Variants in RAPGEF1 observed in about 807,000 individuals in gnomAD.
The protein encoded by RAPGEF1 is Rap guanine nucleotide exchange factor 1.
RAPGEF1 carries 33 observed loss-of-function variants against 143.3 expected under a neutral mutation model. The observed-to-expected ratio is 0.23, with a 90% confidence interval of 0.17 to 0.31. The LOEUF is 0.31. RAPGEF1 is among the 10% of genes least tolerant of loss of function. The pLI, the probability that RAPGEF1 is intolerant of heterozygous loss-of-function variation, is 1.00. For synonymous variants in RAPGEF1, 629 were observed against 676.5 expected (o/e 0.93, Z 1.09); for missense variants, 1,199 against 1,645.4 (o/e 0.73, Z 4.69).
At chr9:131,734,873 C>A (rs1416666131) in intron 1 of RAPGEF1, among the ~76,000 whole-genome samples, 2 of 152,222 alleles carry the variant, frequency 1.3e-5, no homozygotes, top group Non-Finnish European at 2.9e-5. Context: ...GAGCGTGAGA[C>A]ACCTATTTAT....
intron 1 of RAPGEF1, among the ~76,000 whole-genome samples, chr9:131,696,576 A>G (rs1834197570): frequency 6.6e-6 from 1 of 152,226 alleles, no homozygotes; most frequent in Non-Finnish European, 1.5e-5. Flanking sequence ...TTTAGAATCT[A>G]TCTCCCAAGT....
In RAPGEF1 at chr9:131,655,415, T is replaced by C. The variant is rs1199399971; in HGVS notation, c.62-4466A>G. Among the ~76,000 whole-genome samples, 2 of 152,246 alleles carry C rather than the reference T, an allele frequency of 1.3e-5. No individual in the cohort carries two copies. Among genetic ancestry groups the C allele is most frequent in the African/African-American group, 4.8e-5 (2 of 41,470 alleles). On this transcript the variant is annotated intron_variant, in intron 1 of 26. Transcript: ENST00000683357. This position sits in a 1 kb window ranked among gnomAD's most constrained non-coding sequence, Gnocchi z 4.1. ...GAGGCTCTCAACACCAGCCCTCATA[T>C]GTCAGCAGTCATCCCTCGCATTCAA...
intron 1 of RAPGEF1, among the ~76,000 whole-genome samples, chr9:131,734,575 T>C (rs1290737990): frequency 1.3e-5 from 2 of 152,138 alleles, no homozygotes; most frequent in Non-Finnish European, 2.9e-5. Flanking sequence ...AAATGTCTCA[T>C]TGCTTGACTG....
chr9:131,670,695 CAA>C (rs1286431583), intron 1 of RAPGEF1, among the ~76,000 whole-genome samples: 1 of 152,188 alleles, frequency 6.6e-6, no homozygotes, highest in Non-Finnish European at 1.5e-5. Context: ...AGGAAGAGGC[CAA>C]AGTTATACAC....
intron 1 of RAPGEF1, among the ~76,000 whole-genome samples, chr9:131,704,274 T>A (rs1448156959): frequency 6.7e-6 from 1 of 150,140 alleles, no homozygotes; most frequent in East Asian, 1.9e-4. Context: ...GCTACTTTGC[T>A]ATCTAGTGTG....
intron 1 of RAPGEF1, among the ~76,000 whole-genome samples, chr9:131,728,307 A>C (rs950785775): frequency 1.3e-5 from 2 of 152,150 alleles, no homozygotes; most frequent in Non-Finnish European, 2.9e-5. Flanking sequence ...CAAATGCAAC[A>C]CTCTGTGATC....
At chr9:131,590,853 G>A (rs569490568) in intron 18 of RAPGEF1, among the ~76,000 whole-genome samples, 40 of 152,362 alleles carry the variant, frequency 2.6e-4, no homozygotes, top group Middle Eastern at 6.8e-3. Flanking sequence ...GGCAAGCAGC[G>A]TGTGGCTGCT....
chr9:131,700,378 C>A (rs1235261791), intron 1 of RAPGEF1, among the ~76,000 whole-genome samples: 4 of 152,192 alleles, frequency 2.6e-5, no homozygotes, highest in African/African-American at 9.7e-5. Context: ...AACTAACAAC[C>A]CTCTTCCCCT....
rs140589180 is a variant in RAPGEF1, at chr9:131,675,912, C to CT, written c.62-24964dup. ...CTGCTCAGTTTGACAAAAACTCAGT[C>CT]TTTTTTTTTTTTTTAATCTCGCCCT... On this transcript the variant is annotated intron_variant, in intron 1 of 26. Coordinates refer to ENST00000683357, the MANE Select transcript of RAPGEF1 (RefSeq NM_001377935.1). This position sits in a 1 kb window ranked among gnomAD's most constrained non-coding sequence, Gnocchi z 4.6. Among the ~76,000 whole-genome samples, 130 of 144,982 alleles carry CT rather than the reference C, an allele frequency of 9.0e-4. 1 individual carries two copies. Among genetic ancestry groups the CT allele is most frequent in the Middle Eastern group, 7.0e-3 (2 of 284 alleles).
chr9:131,624,559 G>A (rs1159663791), intron 10 of RAPGEF1, among the ~76,000 whole-genome samples: 1 of 152,206 alleles, frequency 6.6e-6, no homozygotes, highest in African/African-American at 2.4e-5. Context: ...GGCATCTGCT[G>A]CAGCTTGCAA....
chr9:131,637,599 AG>A (rs1357294836), intron 5 of RAPGEF1, among the ~76,000 whole-genome samples: 3 of 152,158 alleles, frequency 2.0e-5, no homozygotes, highest in African/African-American at 7.2e-5. Context: ...TTTTGGATTG[AG>A]GGGTCCAGAA....
chr9:131,635,696 C>T (rs1214621268), intron 5 of RAPGEF1, among the ~76,000 whole-genome samples: 1 of 151,616 alleles, frequency 6.6e-6, no homozygotes, highest in Non-Finnish European at 1.5e-5. Context: ...CCTGTCCTCC[C>T]ATGGGAGGCA....
chr9:131,702,640 C>T (rs1263764939), intron 1 of RAPGEF1, among the ~76,000 whole-genome samples: 2 of 152,126 alleles, frequency 1.3e-5, no homozygotes, highest in African/African-American at 2.4e-5. Context: ...TTTTGGAAAA[C>T]AACAAGGCAA....
rs756135700 is a variant in RAPGEF1, at chr9:131,586,609, A to AAC, written c.3233+1125_3233+1126dup. 9.0e-3 allele frequency among the ~76,000 whole-genome samples: 370 copies of AAC among 41,076 alleles called. 45 individuals carry two copies. The highest frequency in any genetic ancestry group is 0.016 in the African/African-American group (115 of 7,164). 26.9% of individuals were successfully genotyped at this position (41,076 alleles called of 152,430 possible). A position where few individuals can be genotyped will look rare whatever the true frequency, so the allele number is the denominator to read the frequency against. On this transcript the variant is annotated intron_variant, in intron 22 of 26. Coordinates refer to ENST00000683357, the MANE Select transcript of RAPGEF1 (RefSeq NM_001377935.1). Reference sequence around the variant, plus strand: ...ACCTGCAGAGCGAGACTCCGTCTCAAACACACACACACACACACACCTGCA... The same window carrying AAC: ...ACCTGCAGAGCGAGACTCCGTCTCAAACACACACACACACACACACACCTGCA...
intron 17 of RAPGEF1, among the ~76,000 whole-genome samples, chr9:131,594,262 T>C (rs1954860353): frequency 6.6e-6 from 1 of 152,218 alleles, no homozygotes; most frequent in African/African-American, 2.4e-5. Context: ...CTGGCTCACC[T>C]GGTCTTTGAG....
chr9:131,603,732 G>C (rs1041065782), intron 14 of RAPGEF1, among the ~76,000 whole-genome samples: 5 of 152,186 alleles, frequency 3.3e-5, no homozygotes, highest in Non-Finnish European at 5.9e-5. Context: ...AGGCTCTGAG[G>C]AGTGCCACAC....
At chr9:131,638,503 G>A in intron 5 of RAPGEF1, 132 bp downstream of exon 5, 2 of 1,015,012 alleles carry the variant, frequency 2.0e-6, no homozygotes, top group Non-Finnish European at 2.9e-6. Flanking sequence ...ATGGGATAGA[G>A]CGCACCAACA....
intron 25 of RAPGEF1, among the ~76,000 whole-genome samples, chr9:131,581,004 G>C (rs928079623): frequency 6.6e-6 from 1 of 151,874 alleles, no homozygotes; most frequent in Non-Finnish European, 1.5e-5. Context: ...AAGTAGCCGG[G>C]CATGGTGGTG....
chr9:131,611,194 C>G (rs1413590658), intron 12 of RAPGEF1, among the ~76,000 whole-genome samples: 1 of 152,328 alleles, frequency 6.6e-6, no homozygotes, highest in East Asian at 1.9e-4. Context: ...TGTCTTTGAT[C>G]CTGGTAAGAA....
Sources: allele counts gnomAD v4.1 joint callset (sites outside exome capture counted in the v4.1 genomes callset), GRCh38; gene constraint gnomAD v4.1.1; non-coding constraint Gnocchi (gnomAD v3.1); transcripts MANE v1.5; gene names NCBI Gene and HGNC (gene_info 2026-07-23, HGNC 2026-07-21).